The following CPQ variants were observed in gnomAD, a reference collection of about 807,000 sequenced individuals.
The protein encoded by CPQ is carboxypeptidase Q.
In CPQ, 37 loss-of-function variants were observed where a neutral mutation model predicts 45.7. That is an observed-to-expected ratio of 0.81 (90% CI 0.62 to 1.07). The LOEUF is 1.07. Among genes scored for constraint, CPQ ranks in the 50% least tolerant of loss-of-function variants. The probability of loss-of-function intolerance (pLI) is 0.00; values close to 1 mark genes in which losing one functional copy is unlikely to be tolerated. For synonymous variants in CPQ, 186 were observed against 205.8 expected, an observed-to-expected ratio of 0.90 and a Z score of 0.82; for missense variants, 537 against 572.9, an observed-to-expected ratio of 0.94 and a Z score of 0.64.
intron 2 of CPQ, among the ~76,000 whole-genome samples, chr8:96,815,527 A>G (rs1408662414): frequency 6.6e-6 from 1 of 151,948 alleles, no homozygotes; most frequent in African/African-American, 2.4e-5. Flanking sequence ...AGAAAGAAAG[A>G]AAGAGAAAGA....
At chr8:96,731,137 A>C (rs1399707489) in intron 1 of CPQ, among the ~76,000 whole-genome samples, 1 of 152,006 alleles carries the variant, frequency 6.6e-6, no homozygotes, top group Non-Finnish European at 1.5e-5. Context: ...ACTGGTCCAG[A>C]GTTTAAAGGG....
intron 5 of CPQ, among the ~76,000 whole-genome samples, chr8:96,973,605 A>T (rs1483629985): frequency 2.0e-5 from 3 of 152,198 alleles, no homozygotes; most frequent in Non-Finnish European, 4.4e-5. Flanking sequence ...AGGAATCTTA[A>T]GAGCTCTGAG....
chr8:96,897,327 T>A (rs1318717917), intron 4 of CPQ, among the ~76,000 whole-genome samples: 1 of 152,214 alleles, frequency 6.6e-6, no homozygotes, highest in Non-Finnish European at 1.5e-5. Flanking sequence ...TGCTCTTTTT[T>A]ATCTAGTCAT....
intron 2 of CPQ, among the ~76,000 whole-genome samples, chr8:96,792,889 G>C (rs1810868046): frequency 6.6e-6 from 1 of 152,134 alleles, no homozygotes. Flanking sequence ...GGAGGCCTCA[G>C]GAAAGTTACA....
At chr8:96,968,446 A>C (rs761900384) in intron 5 of CPQ, among the ~76,000 whole-genome samples, 2 of 152,230 alleles carry the variant, frequency 1.3e-5, no homozygotes, top group Non-Finnish European at 1.5e-5. Flanking sequence ...ATGTGTATGA[A>C]TTCTGGATGA....
chr8:96,760,630 G>A (rs1415045906), intron 1 of CPQ, among the ~76,000 whole-genome samples: 1 of 152,080 alleles, frequency 6.6e-6, no homozygotes, highest in African/African-American at 2.4e-5. Flanking sequence ...CAGTACTCTG[G>A]AGCCCTATAA....
intron 5 of CPQ, among the ~76,000 whole-genome samples, chr8:96,998,836 T>G (rs749509364): frequency 1.3e-5 from 2 of 151,954 alleles, no homozygotes; most frequent in Non-Finnish European, 2.9e-5. Flanking sequence ...CAGCTCACTT[T>G]TGTTTACTGC....
At chr8:97,066,306 AG>A (rs1810635639) in intron 7 of CPQ, 96 bp downstream of exon 7, 1 of 1,120,548 alleles carries the variant, frequency 8.9e-7, no homozygotes, top group Admixed American at 2.7e-5. Flanking sequence ...CTAGTAGGCC[AG>A]GTTGTCCACG....
intron 2 of CPQ, among the ~76,000 whole-genome samples, chr8:96,819,038 T>C (rs1015982711): frequency 2.0e-5 from 3 of 152,098 alleles, no homozygotes; most frequent in Admixed American, 6.6e-5. Flanking sequence ...TACATTACTT[T>C]CAAGTCTGTC....
intron 1 of CPQ, among the ~76,000 whole-genome samples, chr8:96,720,664 TA>T (rs78465907): frequency 0.091 from 13,880 of 152,144 alleles, 1,214 homozygotes; most frequent in African/African-American, 0.23. Context: ...TTCATTACTA[TA>T]AAAGAGATTT....
At position 96,741,126 on chromosome 8, in the gene CPQ, C is replaced by T. The variant is rs559790382; in HGVS notation, c.-34-43738C>T. Among the ~76,000 whole-genome samples the T allele has an allele frequency of 3.3e-3, 496 of 152,292 alleles. 4 individuals are homozygous for T. The highest frequency in any genetic ancestry group is 0.011 in the African/African-American group (472 of 41,556). ...TCCTGGACTCTTTTTCGTTGGTAAG[C>T]TATTGATTATTGCCACAATTTCAGC... On this transcript the variant is annotated intron_variant, in intron 1 of 7. Coordinates refer to ENST00000220763, the MANE Select transcript of CPQ (RefSeq NM_016134.4).
At position 96,695,440 on chromosome 8, in the gene CPQ, G is replaced by T. The variant is rs1488223645; in HGVS notation, c.-35+50038G>T. On this transcript the variant is annotated intron_variant, in intron 1 of 7. Coordinates refer to ENST00000220763, the MANE Select transcript of CPQ (RefSeq NM_016134.4). Reference sequence around the variant, plus strand: ...GCAACAAAAGCCAAAATTGACAAATGGGATCTAATTAAACTAAAGAGCTTC... The same window carrying T: ...GCAACAAAAGCCAAAATTGACAAATTGGATCTAATTAAACTAAAGAGCTTC... 4.7e-5 allele frequency among the ~76,000 whole-genome samples: 7 copies of T among 150,482 alleles called. No individual in the cohort carries two copies. The East Asian group carries it at 9.8e-4, about 21-fold the overall frequency.
chr8:96,890,968 AC>A (rs1812365010), intron 4 of CPQ, among the ~76,000 whole-genome samples: 1 of 152,160 alleles, frequency 6.6e-6, no homozygotes, highest in South Asian at 2.1e-4. Flanking sequence ...CTTCTGGAGA[AC>A]TTCACTCGAG....
At chr8:97,130,299 CAGCAAATCTCAA>C (rs1811926587) in intron 7 of CPQ, among the ~76,000 whole-genome samples, 1 of 152,096 alleles carries the variant, frequency 6.6e-6, no homozygotes, top group South Asian at 2.1e-4. Context: ...GCATCTGCAG[CAGCAAATCTCAA>C]GCATCGTTTA....
intron 4 of CPQ, among the ~76,000 whole-genome samples, chr8:96,944,512 T>A (rs539410924): frequency 1.3e-5 from 2 of 151,526 alleles, no homozygotes; most frequent in African/African-American, 4.9e-5. Flanking sequence ...TTAAAAACAA[T>A]AATAAAAAAA....
intron 7 of CPQ, among the ~76,000 whole-genome samples, chr8:97,132,123 T>A (rs776768582): frequency 2.0e-5 from 3 of 152,212 alleles, no homozygotes; most frequent in Non-Finnish European, 4.4e-5. Flanking sequence ...CCAGGGTTTC[T>A]TTTTTCCTAG....
chr8:96,847,457 C>T (rs1811710935), intron 3 of CPQ, among the ~76,000 whole-genome samples: 2 of 152,128 alleles, frequency 1.3e-5, no homozygotes, highest in South Asian at 4.1e-4. Flanking sequence ...AAATTCATTA[C>T]TATCATCATT....
intron 3 of CPQ, among the ~76,000 whole-genome samples, chr8:96,868,021 T>C (rs146608821): frequency 1.5e-3 from 231 of 152,170 alleles, no homozygotes; most frequent in African/African-American, 5.3e-3. Context: ...CATGTGACTT[T>C]TTCTAACCAA....
intron 1 of CPQ, among the ~76,000 whole-genome samples, chr8:96,653,907 A>T (rs1481844614): frequency 6.6e-6 from 1 of 152,122 alleles, no homozygotes; most frequent in Admixed American, 6.6e-5. Context: ...AATACATAAT[A>T]ATTTCTGTAT....
Sources: gnomAD v4.1 joint callset for allele counts (sites outside exome capture counted in the v4.1 genomes callset) on GRCh38, gnomAD v4.1.1 for gene constraint, MANE v1.5 for transcripts, NCBI Gene and HGNC (gene_info 2026-07-23, HGNC 2026-07-21) for gene names.